SSH2: variants seen among roughly 807,000 people sequenced by gnomAD.
SSH2 encodes the protein protein phosphatase Slingshot homolog 2.
SSH2 carries 37 observed loss-of-function variants against 135.2 expected under a neutral mutation model. That is an observed-to-expected ratio of 0.27 (90% CI 0.21 to 0.36). SSH2 has a LOEUF of 0.36. Among genes scored for constraint, SSH2 ranks in the 10% least tolerant of loss-of-function variants. The pLI is 1.00. For missense variants in SSH2, 1,408 were observed against 1,765.3 expected (o/e 0.80, Z 3.63); for synonymous variants, 628 against 646.2 (o/e 0.97, Z 0.43).
At chr17:29,916,223 G>A (rs926433561) in intron 1 of SSH2, among the ~76,000 whole-genome samples, 8 of 152,036 alleles carry the variant, frequency 5.3e-5, no homozygotes, top group Non-Finnish European at 8.8e-5. Flanking sequence ...CTAATACTTT[G>A]TGAATACATG....
At chr17:29,666,301 G>A (rs2037272444) in intron 11 of SSH2, among the ~76,000 whole-genome samples, 1 of 152,138 alleles carries the variant, frequency 6.6e-6, no homozygotes, top group Non-Finnish European at 1.5e-5. Flanking sequence ...TTGAGCCTGC[G>A]AGGCTGAGGT....
chr17:29,827,376 C>T (rs1567998579), intron 2 of SSH2, among the ~76,000 whole-genome samples: 1 of 152,058 alleles, frequency 6.6e-6, no homozygotes, highest in South Asian at 2.1e-4. Context: ...GATTTAAATC[C>T]CAGTTTGATT....
intron 3 of SSH2, among the ~76,000 whole-genome samples, chr17:29,792,130 T>C (rs1277562407): frequency 1.3e-5 from 2 of 152,058 alleles, no homozygotes; most frequent in African/African-American, 2.4e-5. Flanking sequence ...TTTTACCAGG[T>C]TGGCCAGGCT....
intron 2 of SSH2, among the ~76,000 whole-genome samples, chr17:29,798,285 A>G (rs963468578): frequency 1.3e-5 from 2 of 151,832 alleles, no homozygotes; most frequent in African/African-American, 4.8e-5. Flanking sequence ...CAGCCTCCCA[A>G]GCAGCTGAGA....
rs137993193 is a variant in SSH2, at chr17:29,742,417, C to G, written c.189-39355G>C. Among the ~76,000 whole-genome samples the G allele has an allele frequency of 1.0e-3, 145 of 145,294 alleles. 2 individuals carry two copies. In the Middle Eastern group the frequency reaches 0.011, roughly 11 times the overall value. ...CACTGAATCCTTGACCTCCTGGGCT[C>G]AAACAATCCTCCTGGGTCAGCCTCC... On this transcript the variant is annotated intron_variant, in intron 3 of 15. Coordinates refer to ENST00000540801, the MANE Select transcript of SSH2 (RefSeq NM_001282129.2).
At chr17:29,896,585 G>A (rs1290392410) in intron 1 of SSH2, among the ~76,000 whole-genome samples, 1 of 150,692 alleles carries the variant, frequency 6.6e-6, no homozygotes, top group Non-Finnish European at 1.5e-5. Flanking sequence ...ATTATAAAAT[G>A]TATTTTATAC....
intron 3 of SSH2, among the ~76,000 whole-genome samples, chr17:29,711,414 T>C (rs1382482622): frequency 6.6e-6 from 1 of 152,230 alleles, no homozygotes; most frequent in African/African-American, 2.4e-5. Flanking sequence ...ATTTTGAATG[T>C]TCACTTACTG....
At chr17:29,769,843 T>TA (rs1399995368) in intron 3 of SSH2, among the ~76,000 whole-genome samples, 1 of 152,136 alleles carries the variant, frequency 6.6e-6, no homozygotes, top group African/African-American at 2.4e-5. Context: ...GGCACTATGT[T>TA]ACATGCTGAT....
At chr17:29,732,823 G>T (rs774798143) in intron 3 of SSH2, among the ~76,000 whole-genome samples, 2 of 152,090 alleles carry the variant, frequency 1.3e-5, no homozygotes, top group African/African-American at 4.8e-5. Context: ...TATTTCATCC[G>T]GAATAGATAA....
At chr17:29,706,806 A>G (rs1019234096) in intron 3 of SSH2, among the ~76,000 whole-genome samples, 2 of 152,206 alleles carry the variant, frequency 1.3e-5, no homozygotes, top group Admixed American at 1.3e-4. Context: ...AACTGAACAT[A>G]CTTCAGTCAC....
intron 1 of SSH2, among the ~76,000 whole-genome samples, chr17:29,870,671 G>T (rs2065924099): frequency 6.6e-6 from 1 of 152,098 alleles, no homozygotes; most frequent in Non-Finnish European, 1.5e-5. Context: ...CATCTACTGG[G>T]GTCTGTGTGA....
chr17:29,629,840 G>A lies in SSH2; in HGVS notation c.*1001C>T, dbSNP rs896163268. 6.6e-6 allele frequency: 1 copy of A among 152,562 alleles called. No homozygotes were observed. The highest frequency in any genetic ancestry group is 6.5e-5 in the Admixed American group (1 of 15,278). The allele number at this position is 152,562 out of a possible 1,614,324, so 9.5% of individuals were successfully genotyped here. ...AGGCAGCATGGGGACAACAGCATGGGGAAGGAAAATAAACTGGAAGAAAAT... is the reference window on the plus strand; with the variant it reads ...AGGCAGCATGGGGACAACAGCATGGAGAAGGAAAATAAACTGGAAGAAAAT... On this transcript the variant is annotated 3_prime_UTR_variant, in exon 16 of 16. Transcript: ENST00000540801.
intron 1 of SSH2, among the ~76,000 whole-genome samples, chr17:29,850,204 A>G (rs1043558489): frequency 6.6e-6 from 1 of 152,146 alleles, no homozygotes; most frequent in Non-Finnish European, 1.5e-5. Context: ...CTGGTAACAT[A>G]GGAGTATTTT....
At chr17:29,780,562 T>A (rs2041818298) in intron 3 of SSH2, 1 of 150,968 alleles carries the variant, frequency 6.6e-6, no homozygotes, top group Non-Finnish European at 1.5e-5. Context: ...GTAGCAGGGA[T>A]TACAAGCGCG....
chr17:29,925,612 G>C (rs2067050208), intron 1 of SSH2: 1 of 396,956 alleles, frequency 2.5e-6, no homozygotes, highest in Admixed American at 4.4e-5. Context: ...AGGGGGCTGA[G>C]GCAGGAGGAT....
intron 4 of SSH2, among the ~76,000 whole-genome samples, chr17:29,699,549 T>C (rs1250385888): frequency 1.3e-5 from 2 of 152,136 alleles, no homozygotes; most frequent in African/African-American, 4.8e-5. Context: ...TTCTTTTTAG[T>C]ATGAGGAAAG....
At chr17:29,901,097 G>T (rs1217980062) in intron 1 of SSH2, among the ~76,000 whole-genome samples, 3 of 152,078 alleles carry the variant, frequency 2.0e-5, no homozygotes, top group Admixed American at 6.6e-5. Context: ...CATGGACACA[G>T]GAAGGGAAAC....
chr17:29,731,212 C>T (rs2040179456), intron 3 of SSH2, among the ~76,000 whole-genome samples: 1 of 152,132 alleles, frequency 6.6e-6, no homozygotes, highest in Non-Finnish European at 1.5e-5. Context: ...GGAGTTCTTG[C>T]TCTGTCACTA....
chr17:29,803,138 C>T (rs2042279702), intron 2 of SSH2, among the ~76,000 whole-genome samples: 1 of 152,084 alleles, frequency 6.6e-6, no homozygotes, highest in Admixed American at 6.5e-5. Context: ...CTGCTAGAAA[C>T]AGAAAAAACA....
Sources: allele counts gnomAD v4.1 joint callset (sites outside exome capture counted in the v4.1 genomes callset), GRCh38; gene constraint gnomAD v4.1.1; transcripts MANE v1.5; gene names NCBI Gene and HGNC (gene_info 2026-07-23, HGNC 2026-07-21).